APPL1: variants seen among roughly 807,000 people sequenced by gnomAD.
APPL1 encodes the protein DCC-interacting protein 13-alpha.
A neutral mutation model predicts 106.8 loss-of-function variants in APPL1; 42 were observed. The ratio of observed to expected loss-of-function variants is 0.39; its 90% CI spans 0.31 to 0.51. The LOEUF is 0.51. APPL1 is among the 20% of genes least tolerant of loss of function. The pLI is 0.75. For missense variants in APPL1, 769 were observed against 858.2 expected (o/e 0.90, Z 1.30); for synonymous variants, 263 against 281.8 (o/e 0.93, Z 0.67).
Position 57,273,272 on chromosome 3 carries a change from G to C in APPL1, c.*3585G>C, listed in dbSNP as rs1401058804. 1.3e-5 allele frequency: 2 copies of C among 152,594 alleles called. No individual in the cohort carries two copies. The highest frequency in any genetic ancestry group is 2.9e-5 in the Non-Finnish European group (2 of 68,022). 9.5% of individuals were successfully genotyped at this position (152,594 alleles called of 1,614,324 possible). A position where few individuals can be genotyped will look rare whatever the true frequency, so the allele number is the denominator to read the frequency against. Reference sequence around the variant, plus strand: ...CATGCAGTGTACAATTCAAAATCATGCAATGTTTCACTTTAGAATTGGATT... The same window carrying C: ...CATGCAGTGTACAATTCAAAATCATCCAATGTTTCACTTTAGAATTGGATT... On this transcript the variant is annotated 3_prime_UTR_variant, in exon 22 of 22. Transcript: ENST00000288266.
intron 10 of APPL1, 120 bp downstream of exon 10, chr3:57,248,471 A>G: frequency 8.7e-7 from 1 of 1,143,894 alleles, no homozygotes; most frequent in Non-Finnish European, 1.2e-6. Flanking sequence ...AACTTTTTAG[A>G]GGTGTTAGTA....
Position 57,257,294 on chromosome 3 carries a change from A to G in APPL1, c.1296A>G (p.Gly432=), listed in dbSNP as rs761918738. The part of the protein sequence containing the change: ...TARTSSSGSL[G]SESTNLAALS... ...GAACCAGCAGTTCAGGATCCTTAGG[A>G]TCTGAGTCTACAAATTTGGCTGCCC... is the stretch of plus-strand genomic sequence containing the variant. Residue 432 remains glycine, a synonymous_variant, in exon 15 of 22, where the codon GGA becomes GGG. Coordinates refer to ENST00000288266, the MANE Select transcript of APPL1 (RefSeq NM_012096.3). 4.6e-5 allele frequency: 74 copies of G among 1,613,944 alleles called. No individual in the cohort carries two copies. In the Middle Eastern group the frequency reaches 4.9e-4, roughly 11 times the overall value.
chr3:57,257,091 C>G lies in APPL1; in HGVS notation c.1247+40C>G, dbSNP rs60627410. 5,644 of 1,588,532 alleles carry G rather than the reference C, an allele frequency of 3.6e-3. 69 individuals carry two copies. The African/African-American group carries it at 0.036, about 10-fold the overall frequency. ...TGAGTTATTTAAAGAAGGAGATGGG[C>G]TATTTAAAGTATCTGTGATCTGGGA... On this transcript the variant is annotated intron_variant, in intron 14 of 21. Coordinates refer to ENST00000288266, the MANE Select transcript of APPL1 (RefSeq NM_012096.3).
chr3:57,246,071 C>G lies in APPL1; in HGVS notation c.475-5C>G. The G allele has an allele frequency of 6.4e-7, 1 of 1,555,480 alleles. No homozygotes were observed. The highest frequency in any genetic ancestry group is 8.7e-7 in the Non-Finnish European group (1 of 1,155,846). On this transcript the variant is annotated splice_polypyrimidine_tract_variant and splice_region_variant and intron_variant, in intron 7 of 21. Coordinates refer to ENST00000288266, the MANE Select transcript of APPL1 (RefSeq NM_012096.3). ...ACTTAATTATTTAAATCTTTTCATT[C>G]AAAGGTGAAGTATGAAGTAACAGAA...
Position 57,271,962 on chromosome 3 carries a change from T to C in APPL1, c.*2275T>C, listed in dbSNP as rs1456333666. Reference sequence around the variant, plus strand: ...AAGTATCTGTTTTAATAAGCTCTTTTTGTTATTTAAAGGCTGCCCATGGGT... The same window carrying C: ...AAGTATCTGTTTTAATAAGCTCTTTCTGTTATTTAAAGGCTGCCCATGGGT... On this transcript the variant is annotated 3_prime_UTR_variant, in exon 22 of 22. Coordinates refer to ENST00000288266, the MANE Select transcript of APPL1 (RefSeq NM_012096.3). 1 of 152,210 alleles carries C rather than the reference T, an allele frequency of 6.6e-6. No individual in the cohort carries two copies. Among genetic ancestry groups the C allele is most frequent in the African/African-American group, 2.4e-5 (1 of 41,448 alleles). 9.4% of individuals were successfully genotyped at this position (152,210 alleles called of 1,614,324 possible).
chr3:57,249,795 T>G (rs1272027059), intron 11 of APPL1, among the ~76,000 whole-genome samples: 1 of 152,190 alleles, frequency 6.6e-6, no homozygotes, highest in Non-Finnish European at 1.5e-5. Context: ...GTTAGGGAAC[T>G]GGAACTGAAA....
chr3:57,235,093 A>G (rs1412706903), intron 1 of APPL1, among the ~76,000 whole-genome samples: 1 of 152,214 alleles, frequency 6.6e-6, no homozygotes, highest in Non-Finnish European at 1.5e-5. Context: ...TTAGCATTTT[A>G]TATGCTGAAG....
intron 3 of APPL1, 66 bp from the exon 4 acceptor site, chr3:57,237,979 T>C: frequency 8.2e-7 from 1 of 1,216,986 alleles, no homozygotes; most frequent in Non-Finnish European, 1.2e-6. Context: ...AAATGTAAAT[T>C]ATAGTAATGT....
chr3:57,258,914 G>A (rs1444756278), intron 15 of APPL1, 114 bp from the exon 16 acceptor site: 1 of 724,878 alleles, frequency 1.4e-6, no homozygotes, highest in Non-Finnish European at 2.3e-6. Context: ...AATAGGATGG[G>A]GCATTTTAGA....
chr3:57,249,556 T>A lies in APPL1; in HGVS notation c.1052+8T>A, dbSNP rs186527020. ...CTCTTTCGATGGAAAAAAGTTAGTA[T>A]TTTTTTTCTACTACTACTAATCTAT... On this transcript the variant is annotated splice_region_variant and intron_variant, in intron 11 of 21. Transcript: ENST00000288266. 2.4e-5 allele frequency: 37 copies of A among 1,540,576 alleles called. No homozygotes were observed. The South Asian group carries it at 3.8e-4, about 16-fold the overall frequency.
chr3:57,257,311 T>G lies in APPL1; in HGVS notation c.1313T>G (p.Leu438Trp). The change falls in exon 15 of 22, where the codon TTG (leucine) becomes TGG (tryptophan). Residue 438 changes from leucine (L) to tryptophan (W), a missense_variant. Transcript: ENST00000288266. ...SGSLGSESTN[L>W]AALSLDSLVA... ...TCCTTAGGATCTGAGTCTACAAATT[T>G]GGCTGCCCTCTCTCTAGATTCTCTT... The G allele has an allele frequency of 6.2e-7, 1 of 1,614,150 alleles. No homozygotes were observed. The highest frequency in any genetic ancestry group is 8.5e-7 in the Non-Finnish European group (1 of 1,180,026).
intron 11 of APPL1, 44 bp downstream of exon 11, chr3:57,249,592 A>C: frequency 7.0e-7 from 1 of 1,426,788 alleles, no homozygotes; most frequent in Non-Finnish European, 9.3e-7. Context: ...AGTATATTAA[A>C]CTTCTGAAAT....
intron 4 of APPL1, 33 bp from the exon 5 acceptor site, chr3:57,240,432 G>A (rs777237486): frequency 1.3e-6 from 2 of 1,534,494 alleles, no homozygotes; most frequent in African/African-American, 2.7e-5. Context: ...TCTGTGTATA[G>A]TTATTTGGCC....
At chr3:57,257,566 G>A (rs866439412) in intron 15 of APPL1, 138 bp downstream of exon 15, 6 of 730,766 alleles carry the variant, frequency 8.2e-6, no homozygotes, top group East Asian at 3.1e-5. Flanking sequence ...GTAACATATT[G>A]TTAGGGAAGA....
chr3:57,255,806 A>G (rs2060832408), intron 13 of APPL1, among the ~76,000 whole-genome samples: 1 of 152,222 alleles, frequency 6.6e-6, no homozygotes, highest in Admixed American at 6.5e-5. Context: ...CCATTAAAAT[A>G]CAAATTAAAT....
At position 57,247,378 on chromosome 3, in the gene APPL1, C is replaced by A. The variant is rs148995304; in HGVS notation, c.622-17C>A. 352 of 1,497,916 alleles carry A rather than the reference C, an allele frequency of 2.3e-4. 3 individuals are homozygous for A. In the African/African-American group the frequency reaches 3.9e-3, roughly 17 times the overall value. The allele number at this position is 1,497,916 out of a possible 1,614,324, so 92.8% of individuals were successfully genotyped here. ...TATTTTTGTATTGTTCAATTCCCCCCACTCCCCACTCTCCAGATAAGTTTC... is the reference window on the plus strand; with the variant it reads ...TATTTTTGTATTGTTCAATTCCCCCAACTCCCCACTCTCCAGATAAGTTTC... On this transcript the variant is annotated splice_polypyrimidine_tract_variant and intron_variant, in intron 8 of 21. Transcript: ENST00000288266.
At chr3:57,235,507 A>G in intron 1 of APPL1, 59 bp from the exon 2 acceptor site, 3 of 1,127,298 alleles carry the variant, frequency 2.7e-6, no homozygotes, top group Non-Finnish European at 3.8e-6. Context: ...TAGAAAAAAT[A>G]TTTTTCCATC....
intron 1 of APPL1, among the ~76,000 whole-genome samples, chr3:57,234,795 A>C (rs1273379684): frequency 6.6e-6 from 1 of 151,910 alleles, no homozygotes; most frequent in Non-Finnish European, 1.5e-5. Context: ...AGCTGTGACT[A>C]CAGGCACGTG....
intron 19 of APPL1, among the ~76,000 whole-genome samples, chr3:57,263,556 C>T (rs575573488): frequency 2.6e-5 from 4 of 152,226 alleles, no homozygotes; most frequent in East Asian, 3.9e-4. Flanking sequence ...TAATGACCTC[C>T]ATGTTCCATA....
Sources: gnomAD v4.1 joint callset for allele counts (sites outside exome capture counted in the v4.1 genomes callset) on GRCh38, gnomAD v4.1.1 for gene constraint, MANE v1.5 for transcripts, NCBI Gene and HGNC (gene_info 2026-07-23, HGNC 2026-07-21) for gene names.